ABCB1: variants seen among roughly 807,000 people sequenced by gnomAD.
ABCB1 encodes ATP-dependent translocase ABCB1.
A neutral mutation model predicts 142.0 loss-of-function variants in ABCB1; 69 were observed. The ratio of observed to expected loss-of-function variants is 0.49; its 90% CI spans 0.40 to 0.59. The LOEUF (loss-of-function observed/expected upper bound fraction) is 0.59, where lower values mean the gene tolerates loss of function less well. ABCB1 is among the 20% of genes least tolerant of loss of function. ABCB1 has a pLI of 0.00. For synonymous variants in ABCB1, 532 were observed against 539.2 expected (o/e 0.99, Z 0.18); for missense variants, 1,326 against 1,554.7 (o/e 0.85, Z 2.47).
At chr7:87,659,308 T>C (rs1824456696) in intron 1 of ABCB1, 2 of 359,936 alleles carry the variant, frequency 5.6e-6, no homozygotes, top group South Asian at 2.3e-5. Flanking sequence ...TTCTTTTTTC[T>C]GTCTTCTAGG....
intron 3 of ABCB1, among the ~76,000 whole-genome samples, chr7:87,587,929 A>T (rs1584904546): frequency 7.4e-6 from 1 of 135,660 alleles, no homozygotes; most frequent in East Asian, 2.5e-4. Context: ...AAACTGAGAC[A>T]GAAAAGAGCA....
At chr7:87,600,065 T>C in intron 2 of ABCB1, 52 bp downstream of exon 2, 1 of 1,498,840 alleles carries the variant, frequency 6.7e-7, no homozygotes, top group Non-Finnish European at 9.3e-7. Context: ...TAGAAATAAA[T>C]TACTCAAATC....
At position 87,503,965 on chromosome 7, in the gene ABCB1, T is replaced by C. The variant is rs1563023407; in HGVS notation, c.*278A>G. 1 of 475,086 alleles carries C rather than the reference T, an allele frequency of 2.1e-6. No individual in the cohort carries two copies. 29.4% of individuals were successfully genotyped at this position (475,086 alleles called of 1,614,324 possible). ...GCAAGGCAGTCAGTTACAGTCCAAA[T>C]GGGAAAATATAAACAAAATTACACA... On this transcript the variant is annotated 3_prime_UTR_variant, in exon 28 of 28. Coordinates refer to ENST00000622132, the MANE Select transcript of ABCB1 (RefSeq NM_001348946.2).
chr7:87,682,997 T>C (rs1272304270), intron 1 of ABCB1, among the ~76,000 whole-genome samples: 1 of 152,260 alleles, frequency 6.6e-6, no homozygotes, highest in African/African-American at 2.4e-5. Context: ...AGTTCAGTCT[T>C]CTGGATAAGT....
At chr7:87,668,816 T>C (rs1825534802) in intron 1 of ABCB1, among the ~76,000 whole-genome samples, 1 of 152,204 alleles carries the variant, frequency 6.6e-6, no homozygotes, top group Non-Finnish European at 1.5e-5. Context: ...TGACTTCTAT[T>C]TTTATTGCTC....
intron 24 of ABCB1, among the ~76,000 whole-genome samples, chr7:87,516,301 C>A (rs1815245491): frequency 1.3e-5 from 2 of 152,102 alleles, no homozygotes; most frequent in African/African-American, 4.8e-5. Context: ...ATAAAGTGAG[C>A]AGTATTCCTA....
At chr7:87,586,782 G>C (rs1002818335) in intron 3 of ABCB1, among the ~76,000 whole-genome samples, 1 of 152,156 alleles carries the variant, frequency 6.6e-6, no homozygotes, top group Non-Finnish European at 1.5e-5. Context: ...CTGGACTGCC[G>C]AGTGGAGAAA....
chr7:87,658,473 G>A (rs1487782236), intron 1 of ABCB1, among the ~76,000 whole-genome samples: 2 of 152,096 alleles, frequency 1.3e-5, no homozygotes, highest in African/African-American at 4.8e-5. Flanking sequence ...GACTGAAAAA[G>A]TACTCAACAG....
In ABCB1 at chr7:87,515,374, G is replaced by C; in HGVS notation, c.3139C>G (p.Arg1047Gly). Residue 1047 changes from arginine to glycine, a missense_variant, in exon 25 of 28, where the codon CGA (arginine) becomes GGA (glycine). Arg to Gly is a moderately radical substitution (Grantham distance 125). Coordinates refer to ENST00000622132, the MANE Select transcript of ABCB1 (RefSeq NM_001348946.2). ...FGEVVFNYPTRPDIPVLQGLS... is the reference protein window; with the variant it reads ...FGEVVFNYPTGPDIPVLQGLS... ...CCCTGAAGCACTGGGATGTCCGGTC[G>C]GGTGGGATAGTTGAATACAACTTCA... is the stretch of plus-strand genomic sequence containing the variant. 1 of 1,614,126 alleles carries C rather than the reference G, an allele frequency of 6.2e-7. No individual in the cohort carries two copies. Among genetic ancestry groups the C allele is most frequent in the Non-Finnish European group, 8.5e-7 (1 of 1,180,014 alleles).
chr7:87,657,226 A>G (rs901535662), intron 1 of ABCB1, among the ~76,000 whole-genome samples: 1 of 152,152 alleles, frequency 6.6e-6, no homozygotes, highest in African/African-American at 2.4e-5. Flanking sequence ...TACCTCATAT[A>G]TCCCAGACTG....
At chr7:87,504,819 A>AT (rs1264066380) in intron 27 of ABCB1, among the ~76,000 whole-genome samples, 3,731 of 151,650 alleles carry the variant, frequency 0.025, 166 homozygotes, top group African/African-American at 0.086. Context: ...AAAAAAAAAA[A>AT]AAAAAGCTCC....
At chr7:87,539,941 A>G (rs1816459357) in intron 18 of ABCB1, among the ~76,000 whole-genome samples, 1 of 152,192 alleles carries the variant, frequency 6.6e-6, no homozygotes, top group Non-Finnish European at 1.5e-5. Flanking sequence ...ATTTACATTG[A>G]GCAATCTTTA....
rs538514915 is a variant in ABCB1 at position 87,571,521 on chromosome 7, T to C, written c.287-1298A>G. On this transcript the variant is annotated intron_variant, in intron 4 of 27. Transcript: ENST00000622132. ...GAATAGAAAAGAAAGCAAATACTTA[T>C]GAGACTTATAGAGGAAGAAGTTACA... is the stretch of plus-strand genomic sequence containing the variant. Among the ~76,000 whole-genome samples the C allele has an allele frequency of 7.3e-5, 11 of 151,394 alleles. No individual in the cohort carries two copies. In the East Asian group the frequency reaches 1.4e-3, roughly 19 times the overall value.
chr7:87,682,253 T>C (rs771540106), intron 1 of ABCB1, among the ~76,000 whole-genome samples: 12 of 152,232 alleles, frequency 7.9e-5, no homozygotes, highest in Admixed American at 2.0e-4. Context: ...CTTGAACCCC[T>C]CTAAGTCATC....
At chr7:87,523,865 AG>A (rs1440768958) in intron 21 of ABCB1, among the ~76,000 whole-genome samples, 2 of 152,162 alleles carry the variant, frequency 1.3e-5, no homozygotes, top group African/African-American at 4.8e-5. Context: ...GGGTCTCTAA[AG>A]TCCCTTTTAA....
intron 1 of ABCB1, among the ~76,000 whole-genome samples, chr7:87,704,790 T>G (rs538657260): frequency 6.6e-6 from 1 of 152,198 alleles, no homozygotes; most frequent in Non-Finnish European, 1.5e-5. Context: ...TGGAGAAAGA[T>G]TACCTCTCTT....
chr7:87,556,186 A>G (rs1203039107), intron 8 of ABCB1, among the ~76,000 whole-genome samples: 1 of 152,236 alleles, frequency 6.6e-6, no homozygotes, highest in Non-Finnish European at 1.5e-5. Context: ...TAACAAAACC[A>G]TTGGTATGTA....
At chr7:87,680,970 A>G (rs1171223894) in intron 1 of ABCB1, among the ~76,000 whole-genome samples, 1 of 150,566 alleles carries the variant, frequency 6.6e-6, no homozygotes, top group African/African-American at 2.5e-5. Flanking sequence ...AATAAAATTC[A>G]TAAACTTCTG....
At chr7:87,577,090 G>A (rs1198119782) in intron 4 of ABCB1, among the ~76,000 whole-genome samples, 1 of 151,876 alleles carries the variant, frequency 6.6e-6, no homozygotes, top group Non-Finnish European at 1.5e-5. Context: ...CCCGGCCTCT[G>A]GTAAATGTCA....
Sources: allele counts gnomAD v4.1 joint callset (sites outside exome capture counted in the v4.1 genomes callset), GRCh38; gene constraint gnomAD v4.1.1; transcripts MANE v1.5; gene names NCBI Gene and HGNC (gene_info 2026-07-23, HGNC 2026-07-21).